UBE2E2: variants seen among roughly 807,000 people sequenced by gnomAD.
UBE2E2 encodes the protein ubiquitin-conjugating enzyme E2 E2.
UBE2E2 carries 6 observed loss-of-function variants against 24.7 expected under a neutral mutation model. That is an observed-to-expected ratio of 0.24 (90% CI 0.13 to 0.48). UBE2E2 has a LOEUF of 0.48. Among genes scored for constraint, UBE2E2 ranks in the 20% least tolerant of loss-of-function variants. The pLI is 0.99. For missense variants in UBE2E2, 169 were observed against 245.0 expected, an observed-to-expected ratio of 0.69 and a Z score of 2.07; for synonymous variants, 104 against 83.6, an observed-to-expected ratio of 1.24 and a Z score of -1.33.
rs531656468 is a variant in UBE2E2 at position 23,382,290 on chromosome 3, T to C, written c.228-117318T>C. ...ACCACCTATCGGGTTCAAGCGATTCTCCTGCCTCAGCCTCCAGAGTAGCTG... is the reference window on the plus strand; with the variant it reads ...ACCACCTATCGGGTTCAAGCGATTCCCCTGCCTCAGCCTCCAGAGTAGCTG... On this transcript the variant is annotated intron_variant, in intron 3 of 5. Coordinates refer to ENST00000396703, the MANE Select transcript of UBE2E2 (RefSeq NM_152653.4). 9.9e-5 allele frequency among the ~76,000 whole-genome samples: 15 copies of C among 151,028 alleles called. No individual in the cohort carries two copies. The South Asian group carries it at 2.9e-3, about 30-fold the overall frequency.
At chr3:23,445,636 A>T (rs1213034046) in intron 3 of UBE2E2, among the ~76,000 whole-genome samples, 2 of 152,188 alleles carry the variant, frequency 1.3e-5, no homozygotes, top group Non-Finnish European at 2.9e-5. Flanking sequence ...ACAGTTGGTC[A>T]TGAAGGAGAA....
chr3:23,239,442 TC>T (rs1479934699), intron 3 of UBE2E2, among the ~76,000 whole-genome samples: 3 of 150,602 alleles, frequency 2.0e-5, no homozygotes, highest in Non-Finnish European at 4.4e-5. Flanking sequence ...CATTCCCCCC[TC>T]CCCCCCAGCT....
chr3:23,230,418 A>G (rs1007498550), intron 3 of UBE2E2, among the ~76,000 whole-genome samples: 1 of 152,218 alleles, frequency 6.6e-6, no homozygotes, highest in African/African-American at 2.4e-5. Context: ...GATGCATTTT[A>G]TAAACTTAGA....
At chr3:23,223,008 T>C (rs1696698121) in intron 3 of UBE2E2, among the ~76,000 whole-genome samples, 2 of 137,820 alleles carry the variant, frequency 1.5e-5, no homozygotes, top group Admixed American at 1.5e-4. Flanking sequence ...TCTGTTTACA[T>C]CTTTTGCCCC....
intron 2 of UBE2E2, among the ~76,000 whole-genome samples, chr3:23,211,265 G>A (rs1043323655): frequency 6.6e-6 from 1 of 152,052 alleles, no homozygotes; most frequent in Admixed American, 6.6e-5. Context: ...TTTTGTTGAC[G>A]ATCATTTTTA....
At chr3:23,209,843 G>T (rs1366315394) in intron 2 of UBE2E2, among the ~76,000 whole-genome samples, 1 of 152,100 alleles carries the variant, frequency 6.6e-6, no homozygotes, top group African/African-American at 2.4e-5. Flanking sequence ...GATGGTGAGT[G>T]GTTATTCCAA....
intron 2 of UBE2E2, among the ~76,000 whole-genome samples, chr3:23,209,962 A>G (rs1282771600): frequency 3.9e-5 from 6 of 152,060 alleles, no homozygotes; most frequent in Non-Finnish European, 8.8e-5. Flanking sequence ...AGACCTGTAT[A>G]CTAGACCATG....
chr3:23,498,392 TGG>T (rs1699651789), intron 3 of UBE2E2, among the ~76,000 whole-genome samples: 1 of 152,220 alleles, frequency 6.6e-6, no homozygotes, highest in Non-Finnish European at 1.5e-5. Flanking sequence ...CATATATGTG[TGG>T]AAAAGTTTGA....
At chr3:23,340,703 TG>T (rs1176665372) in intron 3 of UBE2E2, among the ~76,000 whole-genome samples, 2 of 152,178 alleles carry the variant, frequency 1.3e-5, no homozygotes, top group Admixed American at 6.5e-5. Context: ...AATTTCCTGA[TG>T]TAGCCTGTAA....
intron 3 of UBE2E2, among the ~76,000 whole-genome samples, chr3:23,247,453 C>G (rs1357288408): frequency 2.0e-5 from 3 of 151,694 alleles, no homozygotes; most frequent in African/African-American, 7.3e-5. Flanking sequence ...CTCCCGCGTA[C>G]AAGCGATTCT....
In UBE2E2 at chr3:23,590,041, T is replaced by G; in HGVS notation, c.*210T>G. On this transcript the variant is annotated 3_prime_UTR_variant, in exon 6 of 6. Coordinates refer to ENST00000396703, the MANE Select transcript of UBE2E2 (RefSeq NM_152653.4). ...ACGCTCTCTTTTATCTCTCATTTTA[T>G]TCCCTTGTTGATTTCTGTTAACTTG... The G allele has an allele frequency of 2.1e-6, 1 of 477,426 alleles. No individual in the cohort carries two copies. Among genetic ancestry groups the G allele is most frequent in the Non-Finnish European group, 3.7e-6 (1 of 266,792 alleles). 29.6% of individuals were successfully genotyped at this position (477,426 alleles called of 1,614,324 possible).
rs889753243 is a variant in UBE2E2 at position 23,455,776 on chromosome 3, G to C, written c.228-43832G>C. Among the ~76,000 whole-genome samples the C allele has an allele frequency of 1.6e-3, 248 of 152,280 alleles. 1 individual carries two copies. The highest frequency in any genetic ancestry group is 5.4e-3 in the African/African-American group (223 of 41,566). On this transcript the variant is annotated intron_variant, in intron 3 of 5. Transcript: ENST00000396703. ...AGGGAGTCATAATCTTTTTGCTGGT[G>C]AAGGGTCTTTCCTTGATGTGGATGG...
chr3:23,358,213 T>A (rs1329183873), intron 3 of UBE2E2, among the ~76,000 whole-genome samples: 1 of 152,194 alleles, frequency 6.6e-6, no homozygotes, highest in African/African-American at 2.4e-5. Context: ...TTGCCCTTTG[T>A]TTTTCTGTCA....
In UBE2E2 at chr3:23,562,316, A is replaced by G. The variant is rs564402501; in HGVS notation, c.509-27418A>G. On this transcript the variant is annotated intron_variant, in intron 5 of 5. Transcript: ENST00000396703. ...TTTGTCAAAGGCCTTTTCTGCATCT[A>G]TTGAGATAATCATGTGGTTTTTGTC... is the stretch of plus-strand genomic sequence containing the variant. 7.9e-5 allele frequency among the ~76,000 whole-genome samples: 12 copies of G among 152,256 alleles called. No homozygotes were observed. The South Asian group carries it at 8.3e-4, about 11-fold the overall frequency.
chr3:23,293,267 T>C (rs1336887007), intron 3 of UBE2E2, among the ~76,000 whole-genome samples: 1 of 152,220 alleles, frequency 6.6e-6, no homozygotes, highest in Non-Finnish European at 1.5e-5. Flanking sequence ...TCTTTCTGTG[T>C]TTGGCGAACT....
At chr3:23,383,643 T>C (rs1696734247) in intron 3 of UBE2E2, among the ~76,000 whole-genome samples, 1 of 152,140 alleles carries the variant, frequency 6.6e-6, no homozygotes, top group South Asian at 2.1e-4. Context: ...TTTTTTTTGT[T>C]TTGTTTTGTT....
At chr3:23,561,617 T>C (rs1194515152) in intron 5 of UBE2E2, among the ~76,000 whole-genome samples, 2 of 151,480 alleles carry the variant, frequency 1.3e-5, no homozygotes, top group Non-Finnish European at 2.9e-5. Context: ...AGAAAGTCAT[T>C]GGTAGCTTGA....
rs1284048686 is a variant in UBE2E2 at position 23,562,767 on chromosome 3, A to G, written c.509-26967A>G. Among the ~76,000 whole-genome samples the G allele has an allele frequency of 1.3e-4, 20 of 152,206 alleles. No individual in the cohort carries two copies. The South Asian group carries it at 3.7e-3, about 29-fold the overall frequency. ...TCAGAGCCTGTTATTGGTCTATTAA[A>G]AGATTCAGCTTCTTCCTGGTTTAGT... On this transcript the variant is annotated intron_variant, in intron 5 of 5. Coordinates refer to ENST00000396703, the MANE Select transcript of UBE2E2 (RefSeq NM_152653.4).
intron 3 of UBE2E2, among the ~76,000 whole-genome samples, chr3:23,227,676 A>G (rs1488069221): frequency 6.6e-6 from 1 of 152,188 alleles, no homozygotes; most frequent in African/African-American, 2.4e-5. Flanking sequence ...AAAACTTTAA[A>G]TAACATTGGA....
Sources: allele counts gnomAD v4.1 joint callset (sites outside exome capture counted in the v4.1 genomes callset), GRCh38; gene constraint gnomAD v4.1.1; transcripts MANE v1.5; gene names NCBI Gene and HGNC (gene_info 2026-07-23, HGNC 2026-07-21).